The following ZSWIM5 variants were observed in gnomAD, a reference collection of about 807,000 sequenced individuals.
The protein encoded by ZSWIM5 is zinc finger SWIM domain-containing protein 5.
ZSWIM5 carries 55 observed loss-of-function variants against 119.6 expected under a neutral mutation model. The ratio of observed to expected loss-of-function variants is 0.46; its 90% CI spans 0.37 to 0.58. ZSWIM5 has a LOEUF of 0.58. Ranked by LOEUF, ZSWIM5 falls within the 20% of genes least tolerant of loss-of-function variation. The pLI is 0.00. For synonymous variants in ZSWIM5, 537 were observed against 606.9 expected (o/e 0.88, Z 1.69); for missense variants, 1,193 against 1,512.8 (o/e 0.79, Z 3.51).
At chr1:45,056,921 GA>G (rs1187633197) in intron 4 of ZSWIM5, among the ~76,000 whole-genome samples, 1 of 152,140 alleles carries the variant, frequency 6.6e-6, no homozygotes, top group East Asian at 1.9e-4. Context: ...TTCAGAAATG[GA>G]AAGTAGTGAG....
At chr1:45,087,090 A>T (rs1645335192) in intron 2 of ZSWIM5, among the ~76,000 whole-genome samples, 1 of 151,988 alleles carries the variant, frequency 6.6e-6, no homozygotes, top group Admixed American at 6.5e-5. Flanking sequence ...CACCATGTTC[A>T]CTAGGCTGGT....
At chr1:45,029,022 T>A (rs186997476) in intron 11 of ZSWIM5, among the ~76,000 whole-genome samples, 8 of 152,212 alleles carry the variant, frequency 5.3e-5, no homozygotes, top group Non-Finnish European at 1.2e-4. Context: ...TCTGAACCAT[T>A]TGAAAGTAAG....
At chr1:45,120,266 C>T (rs998755056) in intron 1 of ZSWIM5, among the ~76,000 whole-genome samples, 2 of 152,188 alleles carry the variant, frequency 1.3e-5, no homozygotes, top group African/African-American at 4.8e-5. Context: ...ATCACTTGAA[C>T]CCCGGAGGGG....
At chr1:45,084,798 G>A (rs924471140) in intron 2 of ZSWIM5, among the ~76,000 whole-genome samples, 1 of 152,226 alleles carries the variant, frequency 6.6e-6, no homozygotes, top group Admixed American at 6.5e-5. Flanking sequence ...CCCCCTGAGA[G>A]CTCAGCTCCC....
Position 45,034,301 on chromosome 1 carries a change from T to C in ZSWIM5, c.2449+11A>G. 6.3e-7 allele frequency: 1 copy of C among 1,592,154 alleles called. No homozygotes were observed. Among genetic ancestry groups the C allele is most frequent in the Non-Finnish European group, 8.6e-7 (1 of 1,168,642 alleles). On this transcript the variant is annotated intron_variant, in intron 11 of 13. Transcript: ENST00000359600. Reference sequence around the variant, plus strand: ...GGGTGATGCTGGAGCTTAAGGTCTATCTATGCTCACCTTTGGCAGCAGTCA... The same window carrying C: ...GGGTGATGCTGGAGCTTAAGGTCTACCTATGCTCACCTTTGGCAGCAGTCA...
intron 1 of ZSWIM5, among the ~76,000 whole-genome samples, chr1:45,143,746 T>C (rs897486243): frequency 6.6e-6 from 1 of 152,046 alleles, no homozygotes; most frequent in Non-Finnish European, 1.5e-5. Flanking sequence ...AAAGATAACA[T>C]GATTGTCTAC....
intron 1 of ZSWIM5, among the ~76,000 whole-genome samples, chr1:45,143,171 C>CAAAA (rs60638239): frequency 5.0e-5 from 3 of 60,498 alleles, no homozygotes; most frequent in Admixed American, 3.6e-4. Flanking sequence ...GACTCTGTCT[C>CAAAA]AAAAAAAAAA....
At chr1:45,082,089 C>T (rs1426429540) in intron 2 of ZSWIM5, among the ~76,000 whole-genome samples, 6 of 152,004 alleles carry the variant, frequency 3.9e-5, no homozygotes, top group Admixed American at 6.6e-5. Context: ...GGATTAAGGG[C>T]GATGCAAGAT....
intron 5 of ZSWIM5, among the ~76,000 whole-genome samples, chr1:45,048,075 C>CTTTTTTTTTTT: frequency 5.8e-5 from 1 of 17,344 alleles, no homozygotes; most frequent in Admixed American, 9.1e-4. Flanking sequence ...CTTTCCTTTT[C>CTTTTTTTTTTT]TTTTCTCTTT....
intron 1 of ZSWIM5, among the ~76,000 whole-genome samples, chr1:45,125,846 G>A (rs1025476775): frequency 2.0e-5 from 3 of 151,144 alleles, no homozygotes; most frequent in African/African-American, 4.9e-5. Context: ...CAGGAGAATC[G>A]CTTGAGGCCA....
chr1:45,140,762 C>T (rs1645721361), intron 1 of ZSWIM5, among the ~76,000 whole-genome samples: 2 of 152,190 alleles, frequency 1.3e-5, no homozygotes, highest in African/African-American at 4.8e-5. Context: ...GCACACTTTA[C>T]TCTCTCCCAC....
chr1:45,093,570 C>A (rs1246815953), intron 1 of ZSWIM5, among the ~76,000 whole-genome samples: 1 of 152,166 alleles, frequency 6.6e-6, no homozygotes, highest in Non-Finnish European at 1.5e-5. Context: ...AGGCCTAGGC[C>A]CATCTGAAAG....
At chr1:45,135,252 G>C (rs1464094638) in intron 1 of ZSWIM5, among the ~76,000 whole-genome samples, 1 of 152,082 alleles carries the variant, frequency 6.6e-6, no homozygotes, top group Non-Finnish European at 1.5e-5. Context: ...AGCAGAAAAG[G>C]GGTTGCTAAG....
intron 1 of ZSWIM5, among the ~76,000 whole-genome samples, chr1:45,141,666 A>G (rs1246420879): frequency 2.0e-5 from 3 of 152,234 alleles, no homozygotes; most frequent in Admixed American, 2.0e-4. Flanking sequence ...ATATAGGTAG[A>G]CTAAAACGAT....
chr1:45,019,037 G>C lies in ZSWIM5; in HGVS notation c.2975C>G (p.Ala992Gly). The change falls in exon 14 of 14, where the codon GCT (alanine) becomes GGT (glycine). Residue 992 changes from alanine to glycine, a missense_variant. Ala to Gly is a moderately conservative substitution (Grantham distance 60). Coordinates refer to ENST00000359600, the MANE Select transcript of ZSWIM5 (RefSeq NM_020883.2). The surrounding 1 kb of genome is among the most constrained non-coding windows in gnomAD (Gnocchi z 5.0). Reference protein sequence around the residue: ...AAYQIAIDAAAGGMTHSQLFT... With the variant: ...AAYQIAIDAAGGGMTHSQLFT... Reference sequence around the variant, plus strand: ...CAGCTGTGAATGGGTCATACCACCAGCAGCAGCATCAATGGCAATCTGGTA... The same window carrying C: ...CAGCTGTGAATGGGTCATACCACCACCAGCAGCATCAATGGCAATCTGGTA... 1.2e-6 allele frequency: 2 copies of C among 1,614,236 alleles called. No individual in the cohort carries two copies. The highest frequency in any genetic ancestry group is 1.7e-6 in the Non-Finnish European group (2 of 1,180,046).
Position 45,070,406 on chromosome 1 carries a change from C to T in ZSWIM5, c.953-10159G>A, listed in dbSNP as rs61542654. On this transcript the variant is annotated intron_variant, in intron 2 of 13. Coordinates refer to ENST00000359600, the MANE Select transcript of ZSWIM5 (RefSeq NM_020883.2). ...GGTTAGGACATTCGAGCACAAAGAA[C>T]GGGACATGGTACAAAGTCTCCATGT... 8.8e-4 allele frequency: 1,239 copies of T among 1,411,352 alleles called. 9 individuals are homozygous for T. In the African/African-American group the frequency reaches 0.015, roughly 17 times the overall value. The allele number at this position is 1,411,352 out of a possible 1,614,324, so 87.4% of individuals were successfully genotyped here.
At chr1:45,022,798 T>C (rs561979051) in intron 11 of ZSWIM5, among the ~76,000 whole-genome samples, 9 of 152,362 alleles carry the variant, frequency 5.9e-5, no homozygotes, top group South Asian at 2.1e-4. Flanking sequence ...AATCTGAGGA[T>C]GCTCAAGTCT....
At chr1:45,081,016 G>C (rs557710213) in intron 2 of ZSWIM5, among the ~76,000 whole-genome samples, 2 of 152,276 alleles carry the variant, frequency 1.3e-5, no homozygotes, top group South Asian at 4.1e-4. Context: ...GCAGCTAGCA[G>C]TTTTAGGAAT....
chr1:45,088,952 T>C lies in ZSWIM5; in HGVS notation c.596-715A>G. On this transcript the variant is annotated intron_variant, in intron 1 of 13. Transcript: ENST00000359600. This position sits in a 1 kb window ranked among gnomAD's most constrained non-coding sequence, Gnocchi z 4.2. ...TCAATAGCAAATCAATTCTATAATA[T>C]TAATTATGCTTTATTATTATTTTTA... 6.6e-6 allele frequency among the ~76,000 whole-genome samples: 1 copy of C among 152,162 alleles called. No individual in the cohort carries two copies. The highest frequency in any genetic ancestry group is 1.5e-5 in the Non-Finnish European group (1 of 68,030).
Sources: allele counts gnomAD v4.1 joint callset (sites outside exome capture counted in the v4.1 genomes callset), GRCh38; gene constraint gnomAD v4.1.1; non-coding constraint Gnocchi (gnomAD v3.1); transcripts MANE v1.5; gene names NCBI Gene and HGNC (gene_info 2026-07-23, HGNC 2026-07-21).